Variants in NFATC2 observed in about 807,000 individuals in gnomAD.
NFATC2 encodes nuclear factor of activated T cells 2, also known as nuclear factor of activated T-cells, cytoplasmic 2.
A neutral mutation model predicts 87.3 loss-of-function variants in NFATC2; 22 were observed. That is an observed-to-expected ratio of 0.25 (90% CI 0.18 to 0.36). The LOEUF (loss-of-function observed/expected upper bound fraction) is 0.36. NFATC2 is among the 10% of genes least tolerant of loss of function. The pLI, the probability that NFATC2 is intolerant of heterozygous loss-of-function variation, is 1.00. For synonymous variants in NFATC2, 565 were observed against 542.2 expected, an observed-to-expected ratio of 1.04 and a Z score of -0.58; for missense variants, 1,149 against 1,259.1, an observed-to-expected ratio of 0.91 and a Z score of 1.32.
At chr20:51,407,467 C>T (rs1978507576) in intron 9 of NFATC2, among the ~76,000 whole-genome samples, 1 of 152,246 alleles carries the variant, frequency 6.6e-6, no homozygotes, top group African/African-American at 2.4e-5. Context: ...AATGAACCGA[C>T]TATGGCTTCC....
At chr20:51,438,691 G>A (rs780746212) in intron 6 of NFATC2, among the ~76,000 whole-genome samples, 22 of 152,120 alleles carry the variant, frequency 1.4e-4, no homozygotes, top group Non-Finnish European at 2.2e-4. Context: ...GACGCAACAC[G>A]AAGAAGGAGA....
intron 9 of NFATC2, among the ~76,000 whole-genome samples, chr20:51,424,003 A>G (rs79037497): frequency 0.025 from 3,818 of 152,316 alleles, 172 homozygotes; most frequent in African/African-American, 0.087. Context: ...TCGGGATGAA[A>G]GGACAGCTAA....
At chr20:51,517,041 A>G in intron 2 of NFATC2, 86 bp from the exon 3 acceptor site, 1 of 1,306,360 alleles carries the variant, frequency 7.7e-7, no homozygotes, top group Non-Finnish European at 1.1e-6. Flanking sequence ...CCTTTCTGAA[A>G]ATCATGGATA....
intron 1 of NFATC2, among the ~76,000 whole-genome samples, chr20:51,540,667 T>TTTGTTTGTTTG (rs2076801786): frequency 1.4e-5 from 2 of 147,232 alleles, no homozygotes; most frequent in Non-Finnish European, 3.0e-5. Flanking sequence ...TGTTTTTTTT[T>TTTGTTTGTTTG]TTTTGAGAAA....
chr20:51,392,923 G>A (rs1395180620), intron 10 of NFATC2, among the ~76,000 whole-genome samples: 2 of 152,152 alleles, frequency 1.3e-5, no homozygotes, highest in African/African-American at 4.8e-5. Context: ...CTCGTTCTCT[G>A]ACTGTATGAT....
rs191140959 is a variant in NFATC2 at position 51,491,552 on chromosome 20, G to A, written c.1333-15892C>T. Reference sequence around the variant, plus strand: ...GCTGATTTCCAGCTCCCGGTGTGACGATACTGTATATGGAGCTGGGAGGAG... The same window carrying A: ...GCTGATTTCCAGCTCCCGGTGTGACAATACTGTATATGGAGCTGGGAGGAG... On this transcript the variant is annotated intron_variant, in intron 3 of 10. Coordinates refer to ENST00000371564, the MANE Select transcript of NFATC2 (RefSeq NM_012340.5). Among the ~76,000 whole-genome samples, 14 of 152,216 alleles carry A rather than the reference G, an allele frequency of 9.2e-5. No homozygotes were observed. In the East Asian group the frequency reaches 2.5e-3, roughly 27 times the overall value.
intron 3 of NFATC2, among the ~76,000 whole-genome samples, chr20:51,497,294 C>T (rs1246498248): frequency 6.6e-6 from 1 of 152,180 alleles, no homozygotes; most frequent in East Asian, 1.9e-4. Flanking sequence ...AATCATTCTT[C>T]TCCCTCCCGC....
intron 1 of NFATC2, among the ~76,000 whole-genome samples, chr20:51,549,976 G>A (rs777922761): frequency 5.9e-5 from 9 of 152,324 alleles, no homozygotes; most frequent in Non-Finnish European, 1.2e-4. Context: ...CTCTGATAGT[G>A]TACAAGTGCT....
intron 3 of NFATC2, among the ~76,000 whole-genome samples, chr20:51,494,720 C>T (rs2075959800): frequency 6.6e-6 from 1 of 152,178 alleles, no homozygotes; most frequent in Non-Finnish European, 1.5e-5. Flanking sequence ...TGAGAAGCCA[C>T]AGTTTGCCAG....
In NFATC2 at chr20:51,435,689, G is replaced by A. The variant is rs1983458316; in HGVS notation, c.1905+17C>T. 1 of 1,606,190 alleles carries A rather than the reference G, an allele frequency of 6.2e-7. No individual in the cohort carries two copies. Among genetic ancestry groups the A allele is most frequent in the Non-Finnish European group, 8.5e-7 (1 of 1,175,888 alleles). On this transcript the variant is annotated intron_variant, in intron 7 of 10. Transcript: ENST00000371564. ...GTGAGGGGGATTGAGAGACACTCAG[G>A]TGCGTCACGTGCTTACGGGCTGGCT...
intron 3 of NFATC2, among the ~76,000 whole-genome samples, chr20:51,478,026 A>G (rs145596356): frequency 2.0e-5 from 3 of 152,322 alleles, no homozygotes; most frequent in East Asian, 3.9e-4. Flanking sequence ...CCTATTGAAC[A>G]ATGCTGGTCT....
intron 9 of NFATC2, among the ~76,000 whole-genome samples, chr20:51,416,511 C>A (rs533135248): frequency 2.0e-5 from 3 of 152,206 alleles, no homozygotes; most frequent in Admixed American, 1.3e-4. Flanking sequence ...GAATAAAGGG[C>A]CCGTTCAAAT....
chr20:51,389,144 T>G lies in NFATC2; in HGVS notation c.*2352A>C, dbSNP rs1489373203. On this transcript the variant is annotated 3_prime_UTR_variant, in exon 11 of 11. Coordinates refer to ENST00000371564, the MANE Select transcript of NFATC2 (RefSeq NM_012340.5). ...GTCTTAGAAAAACAGAGGGGTTTAT[T>G]TGTGTGTGTATTACACACACACACG... The G allele has an allele frequency of 6.6e-6, 1 of 152,158 alleles. No individual in the cohort carries two copies. Among genetic ancestry groups the G allele is most frequent in the Non-Finnish European group, 1.5e-5 (1 of 68,036 alleles). 9.4% of individuals were successfully genotyped at this position (152,158 alleles called of 1,614,324 possible).
chr20:51,424,157 T>C (rs1483457366), intron 9 of NFATC2, among the ~76,000 whole-genome samples: 2 of 152,186 alleles, frequency 1.3e-5, no homozygotes, highest in East Asian at 3.9e-4. Flanking sequence ...AATTCAATGA[T>C]CTTCCAACAG....
chr20:51,457,485 G>A (rs1187875012), intron 5 of NFATC2, among the ~76,000 whole-genome samples: 5 of 152,158 alleles, frequency 3.3e-5, no homozygotes, highest in Non-Finnish European at 5.9e-5. Flanking sequence ...TCTTTCCTGC[G>A]GCAGCCTCGT....
At chr20:51,420,611 A>G (rs1042641634) in intron 9 of NFATC2, among the ~76,000 whole-genome samples, 2 of 152,182 alleles carry the variant, frequency 1.3e-5, no homozygotes, top group African/African-American at 4.8e-5. Context: ...CTCTAGATTT[A>G]ATCTAGGGGA....
At chr20:51,478,242 C>T (rs1247271861) in intron 3 of NFATC2, among the ~76,000 whole-genome samples, 3 of 152,162 alleles carry the variant, frequency 2.0e-5, no homozygotes, top group East Asian at 1.9e-4. Flanking sequence ...TACTCAGTGA[C>T]GAAAATCAAA....
intron 3 of NFATC2, among the ~76,000 whole-genome samples, chr20:51,485,232 C>A (rs1163598646): frequency 6.6e-6 from 1 of 152,192 alleles, no homozygotes; most frequent in African/African-American, 2.4e-5. Context: ...GGACCAAACG[C>A]TGCACCCCAG....
intron 5 of NFATC2, among the ~76,000 whole-genome samples, chr20:51,458,523 G>C (rs1986806283): frequency 6.6e-6 from 1 of 151,920 alleles, no homozygotes; most frequent in African/African-American, 2.4e-5. Flanking sequence ...TTCAAGCCAG[G>C]TGCGGTGGCT....
Sources: allele counts gnomAD v4.1 joint callset (sites outside exome capture counted in the v4.1 genomes callset), GRCh38; gene constraint gnomAD v4.1.1; transcripts MANE v1.5; gene names NCBI Gene and HGNC (gene_info 2026-07-23, HGNC 2026-07-21).